Variants in KLHL32 observed in about 807,000 individuals in gnomAD.
KLHL32 encodes kelch-like protein 32.
In KLHL32, 35 loss-of-function variants were observed where a neutral mutation model predicts 64.8. The ratio of observed to expected loss-of-function variants is 0.54; its 90% confidence interval spans 0.41 to 0.72. The LOEUF (loss-of-function observed/expected upper bound fraction) is 0.72, where lower values mean the gene tolerates loss of function less well. Among genes scored for constraint, KLHL32 ranks in the 30% least tolerant of loss-of-function variants. The pLI, the probability that KLHL32 is intolerant of heterozygous loss-of-function variation, is 0.00. For synonymous variants in KLHL32, 259 were observed against 281.0 expected, an observed-to-expected ratio of 0.92 and a Z score of 0.78; for missense variants, 589 against 768.5, an observed-to-expected ratio of 0.77 and a Z score of 2.76.
At chr6:97,050,103 A>G (rs1786626156) in intron 4 of KLHL32, among the ~76,000 whole-genome samples, 1 of 152,224 alleles carries the variant, frequency 6.6e-6, no homozygotes, top group Non-Finnish European at 1.5e-5. Context: ...CAGCAGATTC[A>G]TGTCTAAAAT....
At chr6:96,994,670 A>G in intron 3 of KLHL32, 1 of 967,110 alleles carries the variant, frequency 1.0e-6, no homozygotes. Context: ...AGTTGCGTGC[A>G]AAGTACTATG....
At chr6:96,915,672 A>C in the KLHL32 span, among the ~76,000 whole-genome samples, 1 of 152,100 alleles carries the variant, frequency 6.6e-6, no homozygotes, top group Non-Finnish European at 1.5e-5. Flanking sequence ...AAAGGGATGG[A>C]TAATACTCAT....
intron 3 of KLHL32, among the ~76,000 whole-genome samples, chr6:96,981,043 C>T (rs1365106499): frequency 6.6e-6 from 1 of 152,038 alleles, no homozygotes; most frequent in Non-Finnish European, 1.5e-5. Context: ...CTCATAAAAC[C>T]CTTAGATCTC....
chr6:96,941,247 T>G (rs1247095462), intron 1 of KLHL32, among the ~76,000 whole-genome samples: 1 of 152,220 alleles, frequency 6.6e-6, no homozygotes, highest in Non-Finnish European at 1.5e-5. Context: ...ATAAAGATAG[T>G]GAAAAAGGTA....
chr6:96,899,212 A>G, the KLHL32 span, among the ~76,000 whole-genome samples: 1 of 152,196 alleles, frequency 6.6e-6, no homozygotes, highest in Non-Finnish European at 1.5e-5. Flanking sequence ...GAAATCAGTG[A>G]TCTCAGATAG....
intron 4 of KLHL32, 54 bp from the exon 5 acceptor site, chr6:97,064,574 C>A (rs571803292): frequency 8.6e-5 from 108 of 1,248,782 alleles, no homozygotes; most frequent in Non-Finnish European, 1.7e-5. Flanking sequence ...TATTAAGCAG[C>A]ATTATATTTT....
At chr6:97,092,043 G>A (rs1794332080) in intron 6 of KLHL32, among the ~76,000 whole-genome samples, 1 of 149,560 alleles carries the variant, frequency 6.7e-6, no homozygotes, top group Non-Finnish European at 1.5e-5. Flanking sequence ...AGGCTGGAGT[G>A]CAATGGCACG....
rs111701676 is a variant in KLHL32 at position 97,072,007 on chromosome 6, A to T, written c.411+7281A>T. ...ATTTCTTGTCTCTATAATGTACCCT[A>T]TTCTGACTGTACCCCATGGACAGCT... On this transcript the variant is annotated intron_variant, in intron 5 of 10. Transcript: ENST00000369261. 7.4e-3 allele frequency among the ~76,000 whole-genome samples: 1,133 copies of T among 152,202 alleles called. 14 individuals are homozygous for T. Among genetic ancestry groups the T allele is most frequent in the African/African-American group, 0.025 (1,020 of 41,514 alleles).
chr6:97,124,940 C>T (rs756116509), intron 7 of KLHL32, among the ~76,000 whole-genome samples: 3 of 152,152 alleles, frequency 2.0e-5, no homozygotes, highest in East Asian at 1.9e-4. Flanking sequence ...TATTTTGACA[C>T]ACATCTTGAC....
chr6:97,057,646 T>C (rs1040571211), intron 4 of KLHL32, among the ~76,000 whole-genome samples: 1 of 152,116 alleles, frequency 6.6e-6, no homozygotes, highest in Non-Finnish European at 1.5e-5. Flanking sequence ...TAACATTCCT[T>C]TAGCAGATGT....
chr6:97,070,519 G>A (rs1385783112), intron 5 of KLHL32, among the ~76,000 whole-genome samples: 1 of 152,094 alleles, frequency 6.6e-6, no homozygotes, highest in Non-Finnish European at 1.5e-5. Context: ...ATGTCAGGAA[G>A]CGACAGCCCA....
intron 4 of KLHL32, among the ~76,000 whole-genome samples, chr6:97,061,334 C>T (rs1013891152): frequency 6.6e-6 from 1 of 152,114 alleles, no homozygotes; most frequent in Admixed American, 6.5e-5. Context: ...CCTTTCCCCC[C>T]ACTTCCCCCA....
At chr6:97,027,572 G>C (rs966032144) in intron 3 of KLHL32, among the ~76,000 whole-genome samples, 1 of 152,114 alleles carries the variant, frequency 6.6e-6, no homozygotes, top group Non-Finnish European at 1.5e-5. Flanking sequence ...AAAATAATTG[G>C]GGGAAAAGGG....
chr6:97,091,596 A>G (rs1331310478), intron 6 of KLHL32, among the ~76,000 whole-genome samples: 1 of 152,172 alleles, frequency 6.6e-6, no homozygotes, highest in African/African-American at 2.4e-5. Context: ...CCTGTGCCAA[A>G]TAGCATAATG....
intron 1 of KLHL32, among the ~76,000 whole-genome samples, chr6:96,933,837 C>T (rs1465830519): frequency 5.3e-5 from 8 of 152,174 alleles, no homozygotes; most frequent in African/African-American, 1.9e-4. Context: ...TACTGAAAAT[C>T]TCTCACTGTT....
At chr6:97,131,629 T>C (rs1799453805) in intron 9 of KLHL32, among the ~76,000 whole-genome samples, 1 of 152,148 alleles carries the variant, frequency 6.6e-6, no homozygotes, top group Admixed American at 6.6e-5. Flanking sequence ...CTACAAGTGA[T>C]CAGATCCCTT....
At chr6:97,031,889 G>A (rs1270016480) in intron 3 of KLHL32, among the ~76,000 whole-genome samples, 1 of 152,196 alleles carries the variant, frequency 6.6e-6, no homozygotes, top group Non-Finnish European at 1.5e-5. Flanking sequence ...TTCAATTGGA[G>A]TCAAAGGGAG....
At position 97,132,647 on chromosome 6, in the gene KLHL32, C is replaced by A; in HGVS notation, c.1607-6C>A. On this transcript the variant is annotated splice_polypyrimidine_tract_variant and splice_region_variant and intron_variant, in intron 9 of 10. Coordinates refer to ENST00000369261, the MANE Select transcript of KLHL32 (RefSeq NM_052904.4). ...TTTTCTTTTTATTCAATTCTCTTTA[C>A]TTTAGGCCAAAATGAATCTGGAGTT... 6.3e-7 allele frequency: 1 copy of A among 1,597,456 alleles called. No homozygotes were observed.
intron 1 of KLHL32, among the ~76,000 whole-genome samples, chr6:96,945,691 C>T (rs1230291604): frequency 6.6e-6 from 1 of 152,158 alleles, no homozygotes. Context: ...AAATTTTGGT[C>T]ATTGTAGGAA....
Sources: gnomAD v4.1 joint callset for allele counts (sites outside exome capture counted in the v4.1 genomes callset) on GRCh38, gnomAD v4.1.1 for gene constraint, MANE v1.5 for transcripts, NCBI Gene and HGNC (gene_info 2026-07-23, HGNC 2026-07-21) for gene names.